The following USP12 variants were observed in gnomAD, a reference collection of about 807,000 sequenced individuals.
USP12 encodes the protein ubiquitin carboxyl-terminal hydrolase 12.
USP12 carries 19 observed loss-of-function variants against 45.5 expected under a neutral mutation model. That is an observed-to-expected ratio of 0.42 (90% CI 0.29 to 0.61). The LOEUF is 0.61. Among genes scored for constraint, USP12 ranks in the 20% least tolerant of loss-of-function variants. The pLI is 0.22. For missense variants in USP12, 242 were observed against 447.7 expected (o/e 0.54, Z 4.15); for synonymous variants, 149 against 148.8 (o/e 1.00, Z -0.01).
intron 1 of USP12, among the ~76,000 whole-genome samples, chr13:27,155,103 A>T (rs867419345): frequency 1.3e-5 from 1 of 78,620 alleles, no homozygotes; most frequent in Non-Finnish European, 2.3e-5. Context: ...TTTTTTTGAG[A>T]CGGAACCTCG....
chr13:27,123,803 A>G (rs1443924668), intron 1 of USP12, among the ~76,000 whole-genome samples: 1 of 152,172 alleles, frequency 6.6e-6, no homozygotes, highest in African/African-American at 2.4e-5. Context: ...TTCTTTATAA[A>G]TTACCCAGTC....
rs140856906 is a variant in USP12 at position 27,139,788 on chromosome 13, T to C, written c.49-23192A>G. Reference sequence around the variant, plus strand: ...TCACCTAGACTGATTCACATATTTATTTTAAAAACATTTTCTTATATGGCT... The same window carrying C: ...TCACCTAGACTGATTCACATATTTACTTTAAAAACATTTTCTTATATGGCT... On this transcript the variant is annotated intron_variant, in intron 1 of 8. Transcript: ENST00000282344. 6.3e-3 allele frequency among the ~76,000 whole-genome samples: 967 copies of C among 152,320 alleles called. 7 individuals are homozygous for C. Among genetic ancestry groups the C allele is most frequent in the Non-Finnish European group, 0.011 (761 of 68,026 alleles).
At chr13:27,070,490 T>C (rs1426280466) in intron 8 of USP12, among the ~76,000 whole-genome samples, 1 of 151,384 alleles carries the variant, frequency 6.6e-6, no homozygotes, top group African/African-American at 2.4e-5. Context: ...ACTGTATGTA[T>C]GTTACATGGC....
At chr13:27,141,768 A>G (rs1353231036) in intron 1 of USP12, among the ~76,000 whole-genome samples, 2 of 152,214 alleles carry the variant, frequency 1.3e-5, no homozygotes, top group Non-Finnish European at 2.9e-5. Flanking sequence ...GTAGAGGTTG[A>G]GCATCCCTAA....
At chr13:27,161,716 T>A (rs549876043) in intron 1 of USP12, among the ~76,000 whole-genome samples, 1 of 151,030 alleles carries the variant, frequency 6.6e-6, no homozygotes, top group East Asian at 1.9e-4. Context: ...ACAAAAAAAA[T>A]TAATTAAAAA....
chr13:27,107,648 C>G (rs1875206859), intron 2 of USP12, among the ~76,000 whole-genome samples: 2 of 152,170 alleles, frequency 1.3e-5, no homozygotes. Context: ...AGATTGTGTT[C>G]TCTAAACACC....
chr13:27,141,651 A>G (rs185311975), intron 1 of USP12, among the ~76,000 whole-genome samples: 3 of 152,296 alleles, frequency 2.0e-5, no homozygotes, highest in East Asian at 3.9e-4. Flanking sequence ...GAACAAAACA[A>G]AAGTCCATGC....
At chr13:27,137,314 T>TA (rs1483504599) in intron 1 of USP12, among the ~76,000 whole-genome samples, 1 of 152,176 alleles carries the variant, frequency 6.6e-6, no homozygotes, top group Non-Finnish European at 1.5e-5. Context: ...TTATACATGA[T>TA]AGATGTCATA....
At chr13:27,166,981 AT>A (rs1290829220) in intron 1 of USP12, among the ~76,000 whole-genome samples, 2 of 152,350 alleles carry the variant, frequency 1.3e-5, no homozygotes, top group East Asian at 3.9e-4. Flanking sequence ...TAACATGATA[AT>A]CATTCGTGGG....
intron 1 of USP12, among the ~76,000 whole-genome samples, chr13:27,125,909 G>T (rs969519755): frequency 5.9e-5 from 9 of 152,232 alleles, no homozygotes; most frequent in Non-Finnish European, 1.0e-4. Flanking sequence ...GGGGAGGGGC[G>T]TCCGCCATTG....
chr13:27,148,217 T>C (rs1481964846), intron 1 of USP12, among the ~76,000 whole-genome samples: 1 of 151,786 alleles, frequency 6.6e-6, no homozygotes, highest in Non-Finnish European at 1.5e-5. Flanking sequence ...CTAAAGAAAG[T>C]TGTTCAGGCT....
At chr13:27,113,302 CAAAT>C (rs1875554546) in intron 2 of USP12, among the ~76,000 whole-genome samples, 1 of 152,022 alleles carries the variant, frequency 6.6e-6, no homozygotes, top group Non-Finnish European at 1.5e-5. Flanking sequence ...AAAACCCAGA[CAAAT>C]AAAAAATAAA....
chr13:27,139,016 C>T (rs998260422), intron 1 of USP12, among the ~76,000 whole-genome samples: 1 of 152,182 alleles, frequency 6.6e-6, no homozygotes, highest in Admixed American at 6.5e-5. Context: ...TATATATTAA[C>T]CAGTATCTTC....
chr13:27,095,203 C>T (rs1212494904), intron 4 of USP12, among the ~76,000 whole-genome samples: 1 of 152,060 alleles, frequency 6.6e-6, no homozygotes, highest in Non-Finnish European at 1.5e-5. Flanking sequence ...CTTGAGGGTA[C>T]ACTGTATGCT....
At chr13:27,167,914 G>A (rs1037665102) in intron 1 of USP12, among the ~76,000 whole-genome samples, 2 of 152,076 alleles carry the variant, frequency 1.3e-5, no homozygotes, top group African/African-American at 4.8e-5. Flanking sequence ...GTGAGACTGA[G>A]CAGTAAGAAA....
intron 1 of USP12, among the ~76,000 whole-genome samples, chr13:27,122,882 A>T (rs991705637): frequency 6.6e-6 from 1 of 152,008 alleles, no homozygotes. Context: ...TCAAGAGGTC[A>T]GGAGATTGAG....
chr13:27,073,571 G>A (rs1024749157), intron 7 of USP12, among the ~76,000 whole-genome samples: 1 of 152,182 alleles, frequency 6.6e-6, no homozygotes, highest in Non-Finnish European at 1.5e-5. Flanking sequence ...AGGCATCTCA[G>A]CTCAGTATAT....
At chr13:27,154,408 C>G (rs1877721592) in intron 1 of USP12, among the ~76,000 whole-genome samples, 2 of 152,196 alleles carry the variant, frequency 1.3e-5, no homozygotes, top group Admixed American at 6.6e-5. Flanking sequence ...GAATGTTCCA[C>G]TGCATCTTTA....
intron 2 of USP12, among the ~76,000 whole-genome samples, chr13:27,111,816 TTGAG>T (rs528799953): frequency 4.6e-5 from 7 of 152,282 alleles, no homozygotes; most frequent in South Asian, 4.1e-4. Flanking sequence ...AGCAATGAGA[TTGAG>T]TATTTTTGTA....
Sources: gnomAD v4.1 joint callset for allele counts (sites outside exome capture counted in the v4.1 genomes callset) on GRCh38, gnomAD v4.1.1 for gene constraint, MANE v1.5 for transcripts, NCBI Gene and HGNC (gene_info 2026-07-23, HGNC 2026-07-21) for gene names.